Variants in ALKBH3 observed in about 807,000 individuals in gnomAD.
The protein encoded by ALKBH3 is alkB homolog 3, alpha-ketoglutarate dependent dioxygenase.
Under a neutral mutation model 43.9 loss-of-function variants are expected in ALKBH3, and 51 were observed. The observed-to-expected ratio is 1.16, with a 90% confidence interval of 0.93 to 1.47. The LOEUF is 1.47. ALKBH3 is among the 40% of genes most tolerant of loss of function. ALKBH3 has a pLI of 0.00. For missense variants in ALKBH3, 361 were observed against 351.9 expected (o/e 1.03, Z -0.21); for synonymous variants, 102 against 115.2 (o/e 0.89, Z 0.73).
chr11:43,904,378 A>G (rs1285753775), intron 8 of ALKBH3, among the ~76,000 whole-genome samples: 1 of 152,232 alleles, frequency 6.6e-6, no homozygotes, highest in African/African-American at 2.4e-5. Flanking sequence ...CCTAGTCTTA[A>G]CTATGATTGA....
chr11:43,918,287 A>G (rs1316833864), intron 8 of ALKBH3, among the ~76,000 whole-genome samples: 2 of 152,226 alleles, frequency 1.3e-5, no homozygotes, highest in Non-Finnish European at 1.5e-5. Context: ...AAGACTCCTG[A>G]GAATATTGGA....
chr11:43,920,184 A>G lies in ALKBH3; in HGVS notation c.*174A>G. Reference sequence around the variant, plus strand: ...AAAGCCAGCAACTCATGTTGGTAATAGGTCTACTGTGGGAACAGTTATCCC... The same window carrying G: ...AAAGCCAGCAACTCATGTTGGTAATGGGTCTACTGTGGGAACAGTTATCCC... On this transcript the variant is annotated 3_prime_UTR_variant, in exon 10 of 10. Coordinates refer to ENST00000302708, the MANE Select transcript of ALKBH3 (RefSeq NM_139178.4). 1 of 600,402 alleles carries G rather than the reference A, an allele frequency of 1.7e-6. No homozygotes were observed. The highest frequency in any genetic ancestry group is 2.8e-5 in the East Asian group (1 of 35,478). The allele number at this position is 600,402 out of a possible 1,614,324, so 37.2% of individuals were successfully genotyped here.
rs190843103 is a variant in ALKBH3, at chr11:43,901,815, G to A, written c.669+90G>A. On this transcript the variant is annotated intron_variant, in intron 8 of 9. Transcript: ENST00000302708. ...CTAAAAGCTTCTACTTTCAGATTTC[G>A]AGCATGGGAATACACATTTTGTTGA... The A allele has an allele frequency of 1.5e-3, 2,186 of 1,437,678 alleles. 8 individuals carry two copies. The highest frequency in any genetic ancestry group is 1.9e-3 in the Non-Finnish European group (1,996 of 1,051,258). 89.1% of individuals were successfully genotyped at this position (1,437,678 alleles called of 1,614,324 possible).
intron 7 of ALKBH3, chr11:43,899,369 G>C (rs760952794): frequency 1.1e-4 from 80 of 700,908 alleles, no homozygotes; most frequent in Non-Finnish European, 1.9e-4. Flanking sequence ...CCTGCCCCAG[G>C]TGGATGATGT....
chr11:43,897,209 C>G (rs1411887432), intron 7 of ALKBH3: 2 of 527,040 alleles, frequency 3.8e-6, no homozygotes, highest in Non-Finnish European at 7.5e-6. Context: ...CATATTGCAA[C>G]TAACCTTTAA....
intron 7 of ALKBH3, chr11:43,898,170 C>T (rs1951833441): frequency 8.1e-7 from 1 of 1,233,250 alleles, no homozygotes; most frequent in African/African-American, 1.5e-5. Flanking sequence ...TCAAGAGATA[C>T]CTGGGCGATT....
intron 7 of ALKBH3, chr11:43,897,279 C>T (rs188912695): frequency 4.9e-4 from 285 of 580,942 alleles, no homozygotes; most frequent in African/African-American, 4.5e-3. Flanking sequence ...TATGAGCGCC[C>T]GTCGCCACCC....
At chr11:43,919,177 G>A (rs991043656) in intron 9 of ALKBH3, 41 bp downstream of exon 9, 1 of 1,526,118 alleles carries the variant, frequency 6.6e-7, no homozygotes, top group African/African-American at 1.4e-5. Flanking sequence ...TTCATGTGGA[G>A]GCAGTTTCCT....
At chr11:43,897,715 A>T (rs749937139) in intron 7 of ALKBH3, 2 of 807,256 alleles carry the variant, frequency 2.5e-6, no homozygotes, top group Non-Finnish European at 4.5e-6. Context: ...AACTCACTGA[A>T]TTCTCGGGAA....
chr11:43,916,418 G>T (rs749683645), intron 8 of ALKBH3, among the ~76,000 whole-genome samples: 6 of 152,140 alleles, frequency 3.9e-5, no homozygotes, highest in Non-Finnish European at 5.9e-5. Flanking sequence ...CCATGTACTC[G>T]TAGGGTTTCA....
chr11:43,900,083 A>AAC (rs35454835), intron 7 of ALKBH3, among the ~76,000 whole-genome samples: 2 of 151,558 alleles, frequency 1.3e-5, no homozygotes, highest in Non-Finnish European at 2.9e-5. Flanking sequence ...AGATATTAAA[A>AAC]ATTTGCAAAA....
intron 7 of ALKBH3, among the ~76,000 whole-genome samples, chr11:43,896,361 G>A (rs1280913629): frequency 3.9e-5 from 6 of 151,934 alleles, no homozygotes; most frequent in Non-Finnish European, 8.8e-5. Context: ...TCCCACAATA[G>A]GCTGTCTGCA....
intron 8 of ALKBH3, among the ~76,000 whole-genome samples, chr11:43,906,104 G>C (rs1390403304): frequency 6.6e-6 from 1 of 152,194 alleles, no homozygotes; most frequent in Non-Finnish European, 1.5e-5. Flanking sequence ...GGGTGATTGA[G>C]CTACAGCAAG....
intron 7 of ALKBH3, chr11:43,897,720 C>T (rs895726493): frequency 8.7e-6 from 7 of 804,808 alleles, no homozygotes; most frequent in East Asian, 4.8e-5. Context: ...ACTGAATTCT[C>T]GGGAACGTAC....
In ALKBH3 at chr11:43,882,595, A is replaced by C. The variant is rs1388757419; in HGVS notation, c.-58A>C. The C allele has an allele frequency of 6.7e-7, 1 of 1,487,020 alleles. No homozygotes were observed. Among genetic ancestry groups the C allele is most frequent in the Non-Finnish European group, 9.2e-7 (1 of 1,084,322 alleles). 92.1% of individuals were successfully genotyped at this position (1,487,020 alleles called of 1,614,324 possible). ...TTTTAATAAACAGATACCATGGAGT[A>C]GTTTGAAACAGGAACAAAATCTTCT... On this transcript the variant is annotated 5_prime_UTR_variant, in exon 2 of 10. It removes the in-frame stop codon of an upstream open reading frame in the 5' UTR. Coordinates refer to ENST00000302708, the MANE Select transcript of ALKBH3 (RefSeq NM_139178.4).
chr11:43,900,413 A>G (rs1420415449), intron 7 of ALKBH3, among the ~76,000 whole-genome samples: 5 of 151,568 alleles, frequency 3.3e-5, no homozygotes, highest in Non-Finnish European at 7.4e-5. Context: ...TAGTAGAGAC[A>G]GGGTTTCACC....
At chr11:43,881,729 A>T (rs1306986376) in intron 1 of ALKBH3, among the ~76,000 whole-genome samples, 1 of 152,224 alleles carries the variant, frequency 6.6e-6, no homozygotes, top group Non-Finnish European at 1.5e-5. Context: ...GGGAATCTAT[A>T]GTCTAAGCAA....
chr11:43,902,961 G>A (rs764195703), intron 8 of ALKBH3, among the ~76,000 whole-genome samples: 9 of 152,168 alleles, frequency 5.9e-5, no homozygotes, highest in East Asian at 5.8e-4. Flanking sequence ...TCAGTTCTTC[G>A]TCAGATATAC....
At chr11:43,898,714 C>A (rs932544174) in intron 7 of ALKBH3, 9 of 715,096 alleles carry the variant, frequency 1.3e-5, no homozygotes, top group South Asian at 1.1e-4. Context: ...CCCTAAGAGA[C>A]TGGGCCGACT....
Sources: allele counts gnomAD v4.1 joint callset (sites outside exome capture counted in the v4.1 genomes callset), GRCh38; gene constraint gnomAD v4.1.1; transcripts MANE v1.5; gene names NCBI Gene and HGNC (gene_info 2026-07-23, HGNC 2026-07-21).